CTNNA2: variants seen among roughly 807,000 people sequenced by gnomAD.
CTNNA2 encodes the protein catenin alpha 2.
A neutral mutation model predicts 101.0 loss-of-function variants in CTNNA2; 42 were observed. That is an observed-to-expected ratio of 0.42 (90% CI 0.32 to 0.54). CTNNA2 has a LOEUF of 0.54. Ranked by LOEUF, CTNNA2 falls within the 20% of genes least tolerant of loss-of-function variation. CTNNA2 has a pLI of 0.14. For synonymous variants in CTNNA2, 450 were observed against 456.4 expected (o/e 0.99, Z 0.18); for missense variants, 871 against 1,223.1 (o/e 0.71, Z 4.29).
At chr2:80,155,181 A>C (rs1412349199) in intron 7 of CTNNA2, among the ~76,000 whole-genome samples, 1 of 152,196 alleles carries the variant, frequency 6.6e-6, no homozygotes, top group African/African-American at 2.4e-5. Context: ...TTAGAAAAGA[A>C]ACAATCTCTT....
intron 3 of CTNNA2, among the ~76,000 whole-genome samples, chr2:79,782,536 C>T (rs1674531655): frequency 6.6e-6 from 1 of 152,108 alleles, no homozygotes; most frequent in African/African-American, 2.4e-5. Flanking sequence ...CGCACCTGGC[C>T]TGCTTGCCTT....
At chr2:80,587,175 T>C (rs1696050030) in intron 14 of CTNNA2, among the ~76,000 whole-genome samples, 2 of 152,162 alleles carry the variant, frequency 1.3e-5, no homozygotes, top group Admixed American at 6.5e-5. Flanking sequence ...GGCCTAGATA[T>C]TATTATTAAA....
intron 2 of CTNNA2, among the ~76,000 whole-genome samples, chr2:79,204,200 A>G (rs1434602697): frequency 6.6e-6 from 1 of 152,228 alleles, no homozygotes; most frequent in African/African-American, 2.4e-5. Context: ...TGGCCTGTCA[A>G]CCAAAGTCAC....
intron 7 of CTNNA2, among the ~76,000 whole-genome samples, chr2:80,327,531 C>CA (rs35453202): frequency 3.8e-4 from 56 of 147,954 alleles, no homozygotes; most frequent in African/African-American, 1.1e-3. Context: ...TTATTTAAGA[C>CA]AAAAAAAAAA....
chr2:79,575,814 G>A (rs1026406511), intron 1 of CTNNA2, among the ~76,000 whole-genome samples: 1 of 152,158 alleles, frequency 6.6e-6, no homozygotes, highest in Non-Finnish European at 1.5e-5. Flanking sequence ...AAGTACAAGA[G>A]TATCTGTTGT....
At chr2:80,030,981 A>G (rs1416991206) in intron 7 of CTNNA2, among the ~76,000 whole-genome samples, 3 of 152,254 alleles carry the variant, frequency 2.0e-5, no homozygotes, top group Non-Finnish European at 2.9e-5. Flanking sequence ...GAAATGATGT[A>G]GAAAAACAGC....
chr2:79,214,969 C>G (rs1336515035), intron 2 of CTNNA2, among the ~76,000 whole-genome samples: 1 of 151,886 alleles, frequency 6.6e-6, no homozygotes, highest in Non-Finnish European at 1.5e-5. Flanking sequence ...GGGTAGCCTC[C>G]GTATTGATTA....
intron 7 of CTNNA2, among the ~76,000 whole-genome samples, chr2:79,993,680 G>C (rs545916099): frequency 6.6e-6 from 1 of 152,208 alleles, no homozygotes; most frequent in South Asian, 2.1e-4. Context: ...TGAGAAGGGT[G>C]TTCCAGTTAC....
rs898899189 is a variant in CTNNA2 at position 80,128,778 on chromosome 2, A to C, written c.1056+218981A>C. 2.0e-5 allele frequency among the ~76,000 whole-genome samples: 3 copies of C among 152,160 alleles called. No homozygotes were observed. In the East Asian group the frequency reaches 5.8e-4, roughly 29 times the overall value. ...CTATATGACCCCGGAAACGATTCCA[A>C]AATTACTGATCCATGGGTAGATCAG... On this transcript the variant is annotated intron_variant, in intron 7 of 18. Coordinates refer to ENST00000402739, the MANE Select transcript of CTNNA2 (RefSeq NM_001282597.3).
chr2:80,071,243 G>A (rs1314507661), intron 7 of CTNNA2, among the ~76,000 whole-genome samples: 1 of 152,168 alleles, frequency 6.6e-6, no homozygotes, highest in Non-Finnish European at 1.5e-5. Context: ...TGAAAAATTA[G>A]AGGACAAACT....
At chr2:79,796,768 G>A (rs1675737372) in intron 3 of CTNNA2, among the ~76,000 whole-genome samples, 1 of 152,254 alleles carries the variant, frequency 6.6e-6, no homozygotes. Context: ...GATCAAAGCG[G>A]GTTACTAGGA....
At position 79,435,025 on chromosome 2, in the gene CTNNA2, C is replaced by T. The variant is rs375405236; in HGVS notation, c.-135+61012C>T. 2.4e-4 allele frequency among the ~76,000 whole-genome samples: 37 copies of T among 152,262 alleles called. No individual in the cohort carries two copies. The East Asian group carries it at 6.2e-3, about 26-fold the overall frequency. On this transcript the variant is annotated intron_variant, in intron 4 of 21. Coordinates refer to the CTNNA2 transcript ENST00000466387. ...CCCTCAATGAAACCAAATTCTGTAA[C>T]TAACCATAGTGCCTACATTCTACTT...
intron 7 of CTNNA2, among the ~76,000 whole-genome samples, chr2:79,929,214 CA>C (rs2104411526): frequency 6.6e-6 from 1 of 152,048 alleles, no homozygotes; most frequent in Non-Finnish European, 1.5e-5. Context: ...AAATTAATTC[CA>C]GGGGGAAATT....
intron 4 of CTNNA2, among the ~76,000 whole-genome samples, chr2:79,501,496 C>A (rs1671318968): frequency 6.6e-6 from 1 of 152,146 alleles, no homozygotes; most frequent in African/African-American, 2.4e-5. Context: ...GTGGTCAATG[C>A]ATTCAACTGC....
intron 10 of CTNNA2, 56 bp downstream of exon 10, chr2:80,545,130 C>A (rs757425089): frequency 1.5e-5 from 23 of 1,509,608 alleles, no homozygotes; most frequent in Non-Finnish European, 2.1e-5. Flanking sequence ...CCACTCCAGC[C>A]CTTGTGCCCC....
chr2:80,088,160 T>C (rs1438173689), intron 7 of CTNNA2, among the ~76,000 whole-genome samples: 1 of 151,968 alleles, frequency 6.6e-6, no homozygotes, highest in Non-Finnish European at 1.5e-5. Flanking sequence ...CTAATATCAC[T>C]GTTTTGGAGG....
intron 7 of CTNNA2, among the ~76,000 whole-genome samples, chr2:79,965,839 A>AAAAAG (rs1225300917): frequency 6.6e-6 from 1 of 150,520 alleles, no homozygotes; most frequent in African/African-American, 2.4e-5. Flanking sequence ...AAAAAAAAAA[A>AAAAAG]AAAAAAAAAA....
rs148861802 is a variant in CTNNA2, at chr2:79,609,618, T to C, written c.-5-41934T>C. ...GCTAGACAAATAGACCATAAGAAAA[T>C]AGAAAGTCCAGGAATAGACCAGCAT... On this transcript the variant is annotated intron_variant, in intron 1 of 18. Coordinates refer to ENST00000402739, the MANE Select transcript of CTNNA2 (RefSeq NM_001282597.3). Among the ~76,000 whole-genome samples, 1,334 of 152,092 alleles carry C rather than the reference T, an allele frequency of 8.8e-3. 10 individuals carry two copies. Among genetic ancestry groups the C allele is most frequent in the Non-Finnish European group, 0.016 (1,062 of 67,932 alleles).
intron 1 of CTNNA2, among the ~76,000 whole-genome samples, chr2:79,522,798 G>T (rs1672190488): frequency 6.6e-6 from 1 of 152,158 alleles, no homozygotes; most frequent in South Asian, 2.1e-4. Context: ...TGGGAGTAGA[G>T]AAATATTTTG....
Sources: gnomAD v4.1 joint callset for allele counts (sites outside exome capture counted in the v4.1 genomes callset) on GRCh38, gnomAD v4.1.1 for gene constraint, MANE v1.5 for transcripts, NCBI Gene and HGNC (gene_info 2026-07-23, HGNC 2026-07-21) for gene names.